The following SRPRA variants were observed in gnomAD, a reference collection of about 807,000 sequenced individuals.
The protein encoded by SRPRA is SRP receptor subunit alpha.
A neutral mutation model predicts 61.1 loss-of-function variants in SRPRA; 30 were observed. The ratio of observed to expected loss-of-function variants is 0.49; its 90% CI spans 0.37 to 0.67. The LOEUF (loss-of-function observed/expected upper bound fraction) is 0.67, where lower values mean the gene tolerates loss of function less well. Among genes scored for constraint, SRPRA ranks in the 30% least tolerant of loss-of-function variants. The probability of loss-of-function intolerance (pLI) is 0.00; values close to 1 mark genes in which losing one functional copy is unlikely to be tolerated. For synonymous variants in SRPRA, 324 were observed against 299.7 expected (o/e 1.08, Z -0.84); for missense variants, 759 against 828.4 (o/e 0.92, Z 1.03).
chr11:126,264,107 C>G lies in SRPRA; in HGVS notation c.1789-63G>C. On this transcript the variant is annotated intron_variant, in intron 13 of 13. Coordinates refer to ENST00000332118, the MANE Select transcript of SRPRA (RefSeq NM_003139.4). The surrounding 1 kb of genome is among the most constrained non-coding windows in gnomAD (Gnocchi z 5.0). ...CACTTTTCACTCACCCTCTCAGGAA[C>G]AGGAAGCGCTGGAGCCAAGATTTCC... The G allele has an allele frequency of 6.2e-7, 1 of 1,613,014 alleles. No individual in the cohort carries two copies. The highest frequency in any genetic ancestry group is 8.5e-7 in the Non-Finnish European group (1 of 1,179,308).
chr11:126,237,010 G>A, the SRPRA span, among the ~76,000 whole-genome samples: 1 of 147,784 alleles, frequency 6.8e-6, no homozygotes, highest in African/African-American at 2.5e-5. Flanking sequence ...TCTGCCTCCC[G>A]GGTTCACACC....
the SRPRA span, chr11:126,250,598 G>A: frequency 1.9e-6 from 3 of 1,613,860 alleles, no homozygotes; most frequent in African/African-American, 4.0e-5. The surrounding 1 kb of genome is among the most constrained non-coding windows in gnomAD (Gnocchi z 5.1). Flanking sequence ...CTGGAAAACA[G>A]CTACTTCAGT....
At position 126,263,952 on chromosome 11, in the gene SRPRA, A is replaced by G; in HGVS notation, c.1881T>C (p.Asn627=). ...GQTYCDLRSL[N]AKAVVAALMK... ...TGAGGGCAGCCACCACAGCCTTGGC[A>G]TTGAGGCTGCGTAGGTCACAGTAGG... Residue 627 remains asparagine, a synonymous_variant, in exon 14 of 14, where the codon AAT becomes AAC. Transcript: ENST00000332118. 6.2e-7 allele frequency: 1 copy of G among 1,614,240 alleles called. No homozygotes were observed. The highest frequency in any genetic ancestry group is 8.5e-7 in the Non-Finnish European group (1 of 1,180,042).
chr11:126,268,503 G>C (rs1178830187), intron 1 of SRPRA, among the ~76,000 whole-genome samples, 185 bp downstream of exon 1: 1 of 151,986 alleles, frequency 6.6e-6, no homozygotes, highest in African/African-American at 2.4e-5. Context: ...CAGAGGCGGG[G>C]GCCGTCATTA....
At chr11:126,261,923 T>G (rs1950709442), downstream of SRPRA, among the ~76,000 whole-genome samples, 1 of 152,214 alleles carries the variant, frequency 6.6e-6, no homozygotes, top group Admixed American at 6.5e-5. Context: ...GTGAGCTGAT[T>G]GTGCCACTGC....
In SRPRA at chr11:126,265,295, T is replaced by C; in HGVS notation, c.1284A>G (p.Gly428=). The change falls in exon 10 of 14, where the codon GGA becomes GGG. Residue 428 remains glycine, a synonymous_variant. Transcript: ENST00000332118. The surrounding 1 kb of genome is among the most constrained non-coding windows in gnomAD (Gnocchi z 6.3). The part of the protein sequence containing the change: ...PYVVTFCGVN[G]VGKSTNLAKI... ...TGGCAAGATTAGTAGATTTCCCCAC[T>C]CCATTAACGCCGCAGAAGGTGACGA... 2 of 1,614,100 alleles carry C rather than the reference T, an allele frequency of 1.2e-6. No individual in the cohort carries two copies. Among genetic ancestry groups the C allele is most frequent in the Non-Finnish European group, 1.7e-6 (2 of 1,180,020 alleles).
In SRPRA at chr11:126,267,601, T is replaced by C. The variant is rs1565347712; in HGVS notation, c.313A>G (p.Ser105Gly). The C allele has an allele frequency of 4.3e-6, 7 of 1,614,102 alleles. No homozygotes were observed. Among genetic ancestry groups the C allele is most frequent in the Non-Finnish European group, 5.9e-6 (7 of 1,180,026 alleles). The stretch of plus-strand genomic sequence containing the variant: ...AAATCAAAAGTGCCATTTAATAAAC[T>C]TAAAGCACTTTGCTGTTGGATCTCT... ...RTEIQQQSAL[S>G]LLNGTFDFQN... Residue 105 changes from serine (S) to glycine (G), a missense_variant, in exon 3 of 14, where the codon AGT becomes GGT. Physicochemically the swap from Ser to Gly is moderately conservative, Grantham distance 56. This residue lies in a region of SRPRA where 475 missense variants were observed against 462.5 expected (regional missense o/e 1.03). Transcript: ENST00000332118. This position sits in a 1 kb window ranked among gnomAD's most constrained non-coding sequence, Gnocchi z 4.2.
At chr11:126,252,657 C>T in the SRPRA span, among the ~76,000 whole-genome samples, 2 of 152,004 alleles carry the variant, frequency 1.3e-5, no homozygotes, top group African/African-American at 4.8e-5. The surrounding 1 kb of genome is among the most constrained non-coding windows in gnomAD (Gnocchi z 4.7). Flanking sequence ...GCAGGACGAT[C>T]GATTGAGCTG....
chr11:126,239,527 G>T, the SRPRA span, among the ~76,000 whole-genome samples: 1 of 152,048 alleles, frequency 6.6e-6, no homozygotes, highest in African/African-American at 2.4e-5. Flanking sequence ...TATTATTAAT[G>T]TCTTTTCTAG....
At chr11:126,261,411 T>C, downstream of SRPRA, 1 of 1,612,724 alleles carries the variant, frequency 6.2e-7, no homozygotes, top group Non-Finnish European at 8.5e-7. Context: ...CTGATGCTGA[T>C]GTCCTCTATT....
In SRPRA at chr11:126,263,437, T is replaced by G. The variant is rs888398701; in HGVS notation, c.*479A>C. The G allele has an allele frequency of 3.2e-5, 5 of 156,308 alleles. No individual in the cohort carries two copies. The highest frequency in any genetic ancestry group is 1.2e-4 in the African/African-American group (5 of 41,494). The allele number at this position is 156,308 out of a possible 1,614,324, so 9.7% of individuals were successfully genotyped here. A position where few individuals can be genotyped will look rare whatever the true frequency, so the allele number is the denominator to read the frequency against. ...ATTAACAGGCAATACACTGCCACAGTGAGGCGGGTGTCATCCAGGTCCTGG... is the reference window on the plus strand; with the variant it reads ...ATTAACAGGCAATACACTGCCACAGGGAGGCGGGTGTCATCCAGGTCCTGG... On this transcript the variant is annotated 3_prime_UTR_variant, in exon 14 of 14. Transcript: ENST00000332118.
the SRPRA span, chr11:126,254,279 G>C: frequency 9.3e-6 from 15 of 1,609,554 alleles, no homozygotes; most frequent in Non-Finnish European, 1.3e-5. Flanking sequence ...CTGCCAAGCT[G>C]GTTGGGCTAT....
chr11:126,260,039 T>C (rs1388675620), downstream of SRPRA, among the ~76,000 whole-genome samples: 1 of 151,948 alleles, frequency 6.6e-6, no homozygotes, highest in African/African-American at 2.4e-5. Flanking sequence ...TTTATTATTA[T>C]TACTATTTTT....
the SRPRA span, among the ~76,000 whole-genome samples, chr11:126,237,215 CTTTTTT>C: frequency 7.0e-4 from 30 of 43,100 alleles, no homozygotes; most frequent in Non-Finnish European, 1.2e-3. Context: ...CGCGCCTGGC[CTTTTTT>C]TTTTTTTTTT....
chr11:126,237,045 T>G, the SRPRA span, among the ~76,000 whole-genome samples: 1 of 147,898 alleles, frequency 6.8e-6, no homozygotes, highest in Admixed American at 6.9e-5. Flanking sequence ...GCCTCCCGAG[T>G]AGCTGGGACT....
At chr11:126,248,552 T>C in the SRPRA span, among the ~76,000 whole-genome samples, 1 of 151,722 alleles carries the variant, frequency 6.6e-6, no homozygotes, top group Admixed American at 6.6e-5. Context: ...TTATTTTTAG[T>C]AGAGAGATGG....
downstream of SRPRA, among the ~76,000 whole-genome samples, chr11:126,259,759 C>T (rs1950648364): frequency 2.0e-5 from 3 of 146,544 alleles, no homozygotes; most frequent in Admixed American, 2.1e-4. Context: ...TTCTCTCTGT[C>T]ACCCAGGCTA....
At position 126,265,772 on chromosome 11, in the gene SRPRA, T is replaced by G. The variant is rs1287646150; in HGVS notation, c.1103A>C (p.Asn368Thr). Residue 368 changes from asparagine (N) to threonine (T), a missense_variant, in exon 9 of 14, where the codon AAC (asparagine) becomes ACC (threonine). Asn to Thr is a moderately conservative substitution (Grantham distance 65). Coordinates refer to ENST00000332118, the MANE Select transcript of SRPRA (RefSeq NM_003139.4). The surrounding 1 kb of genome is among the most constrained non-coding windows in gnomAD (Gnocchi z 6.3). ...CCCCATCACCTTCCCTTCCAACTTG[T>G]TGGCAACAGATTCACAGAGCTGGAC... The part of the protein sequence containing the change: ...IAVQLCESVA[N>T]KLEGKVMGTF... The G allele has an allele frequency of 6.2e-7, 1 of 1,614,250 alleles. No homozygotes were observed. Among genetic ancestry groups the G allele is most frequent in the Non-Finnish European group, 8.5e-7 (1 of 1,180,048 alleles).
At position 126,265,848 on chromosome 11, in the gene SRPRA, C is replaced by T. The variant is rs973919295; in HGVS notation, c.1052-25G>A. On this transcript the variant is annotated intron_variant, in intron 8 of 13. Transcript: ENST00000332118. This position sits in a 1 kb window ranked among gnomAD's most constrained non-coding sequence, Gnocchi z 6.3. ...GCTGAGGAGAGGGGGACAGGTATGT[C>T]AGTTCCATGTCAGCAATGACCAATC... 1.4e-5 allele frequency: 22 copies of T among 1,613,878 alleles called. No individual in the cohort carries two copies. The highest frequency in any genetic ancestry group is 5.3e-5 in the African/African-American group (4 of 74,936).
Sources: allele counts gnomAD v4.1 joint callset (sites outside exome capture counted in the v4.1 genomes callset), GRCh38; gene constraint gnomAD v4.1.1; regional missense constraint gnomAD v4.1.1; non-coding constraint Gnocchi (gnomAD v3.1); transcripts MANE v1.5; gene names NCBI Gene and HGNC (gene_info 2026-07-23, HGNC 2026-07-21).